Variants in SMAD1 observed in about 807,000 individuals in gnomAD.
SMAD1 encodes MAD, mothers against decapentaplegic homolog 1.
A neutral mutation model predicts 41.6 loss-of-function variants in SMAD1; 6 were observed. The observed-to-expected ratio is 0.14, with a 90% CI of 0.08 to 0.28. SMAD1 has a LOEUF of 0.28. Among genes scored for constraint, SMAD1 ranks in the 10% least tolerant of loss-of-function variants. SMAD1 has a pLI of 1.00. For missense variants in SMAD1, 379 were observed against 582.6 expected (o/e 0.65, Z 3.60); for synonymous variants, 206 against 203.2 (o/e 1.01, Z -0.12).
chr4:145,491,899 T>C (rs1260893441), intron 1 of SMAD1, among the ~76,000 whole-genome samples: 1 of 152,202 alleles, frequency 6.6e-6, no homozygotes, highest in Non-Finnish European at 1.5e-5. Context: ...TGCTCATTGA[T>C]GTGAGACGCA....
intron 5 of SMAD1, among the ~76,000 whole-genome samples, chr4:145,553,480 C>G (rs990514240): frequency 6.6e-6 from 1 of 152,234 alleles, no homozygotes; most frequent in East Asian, 1.9e-4. Flanking sequence ...CACAGTTCAC[C>G]ATAGGGTTCA....
rs1732977414 is a variant in SMAD1, at chr4:145,558,688, G to GA, written c.*756dup. 6.6e-6 allele frequency among the ~76,000 whole-genome samples: 1 copy of GA among 151,666 alleles called. No homozygotes were observed. Among genetic ancestry groups the GA allele is most frequent in the South Asian group, 2.1e-4 (1 of 4,800 alleles). On this transcript the variant is annotated 3_prime_UTR_variant, in exon 7 of 7. Coordinates refer to ENST00000302085, the MANE Select transcript of SMAD1 (RefSeq NM_005900.3). ...GCTTTAAAGAAACAAACTGATACCT[G>GA]AATTTTGCTGTGTTTCCATTTTTTA...
At chr4:145,540,450 C>T (rs1268717527) in intron 3 of SMAD1, among the ~76,000 whole-genome samples, 1 of 152,178 alleles carries the variant, frequency 6.6e-6, no homozygotes, top group Non-Finnish European at 1.5e-5. Context: ...ATGGAAAAAA[C>T]TCCTGTTGCA....
intron 2 of SMAD1, among the ~76,000 whole-genome samples, chr4:145,535,187 A>G (rs1174366038): frequency 6.6e-6 from 1 of 152,238 alleles, no homozygotes; most frequent in African/African-American, 2.4e-5. Flanking sequence ...GTCAGGATTC[A>G]GAAGCTTGAC....
intron 1 of SMAD1, among the ~76,000 whole-genome samples, chr4:145,509,817 C>T (rs1729981656): frequency 6.6e-6 from 1 of 152,084 alleles, no homozygotes; most frequent in Non-Finnish European, 1.5e-5. Flanking sequence ...TTCAAAAAAA[C>T]TAGTAAATTT....
chr4:145,504,898 C>T (rs1346731158), intron 1 of SMAD1, among the ~76,000 whole-genome samples: 1 of 152,110 alleles, frequency 6.6e-6, no homozygotes. Context: ...TGATGGATTG[C>T]TCTTTATTGT....
intron 2 of SMAD1, among the ~76,000 whole-genome samples, chr4:145,515,796 T>A (rs1363024272): frequency 6.6e-6 from 1 of 152,164 alleles, no homozygotes; most frequent in East Asian, 1.9e-4. Flanking sequence ...TGTTGATGGA[T>A]TGGCTGTTAA....
At chr4:145,541,371 G>A (rs1731920703) in intron 3 of SMAD1, among the ~76,000 whole-genome samples, 1 of 152,220 alleles carries the variant, frequency 6.6e-6, no homozygotes. Flanking sequence ...CCTCTTGGTT[G>A]TGCTGATGCC....
intron 1 of SMAD1, among the ~76,000 whole-genome samples, chr4:145,506,572 A>G (rs1729798313): frequency 6.6e-6 from 1 of 152,204 alleles, no homozygotes; most frequent in African/African-American, 2.4e-5. Context: ...AAGCTGATAC[A>G]GAGAGTGGTT....
intron 1 of SMAD1, among the ~76,000 whole-genome samples, chr4:145,513,079 C>A (rs1730176757): frequency 2.0e-5 from 3 of 152,218 alleles, no homozygotes; most frequent in African/African-American, 7.2e-5. Context: ...TTCCTCAGCG[C>A]TATGAGGCTA....
At chr4:145,549,153 T>C (rs907082084) in intron 5 of SMAD1, among the ~76,000 whole-genome samples, 3 of 152,102 alleles carry the variant, frequency 2.0e-5, no homozygotes, top group East Asian at 1.9e-4. Flanking sequence ...TAAAGAGATA[T>C]GACACCTGCA....
At chr4:145,554,361 G>T (rs1560767775) in intron 6 of SMAD1, among the ~76,000 whole-genome samples, 1 of 151,936 alleles carries the variant, frequency 6.6e-6, no homozygotes, top group East Asian at 1.9e-4. Context: ...TAAATACATG[G>T]TTGTTTTACG....
rs757909749 is a variant in SMAD1 at position 145,539,919 on chromosome 4, T to C, written c.516T>C (p.Phe172=). 11 of 1,613,906 alleles carry C rather than the reference T, an allele frequency of 6.8e-6. No homozygotes were observed. Among genetic ancestry groups the C allele is most frequent in the Non-Finnish European group, 8.5e-6 (10 of 1,180,006 alleles). The change falls in exon 3 of 7, where the codon TTT becomes TTC. Residue 172 remains phenylalanine (F), a synonymous_variant. Coordinates refer to ENST00000302085, the MANE Select transcript of SMAD1 (RefSeq NM_005900.3). The part of the protein sequence containing the change: ...NEPHMPLNAT[F]PDSFQQPNSH... Reference sequence around the variant, plus strand: ...CTCACATGCCACTCAACGCCACTTTTCCAGATTCTTTCCAGCAACCCAACA... The same window carrying C: ...CTCACATGCCACTCAACGCCACTTTCCCAGATTCTTTCCAGCAACCCAACA...
intron 6 of SMAD1, 128 bp downstream of exon 6, chr4:145,554,168 C>A: frequency 2.3e-6 from 2 of 859,706 alleles, no homozygotes; most frequent in Non-Finnish European, 1.7e-6. Flanking sequence ...GACTTATTAT[C>A]TAGGCATTTT....
At chr4:145,513,024 C>G (rs1367786726) in intron 1 of SMAD1, among the ~76,000 whole-genome samples, 4 of 152,164 alleles carry the variant, frequency 2.6e-5, no homozygotes, top group African/African-American at 7.2e-5. Context: ...GGTTTCTCCT[C>G]AGCAGGCCCT....
At chr4:145,495,616 CTTT>C (rs58468364) in intron 1 of SMAD1, among the ~76,000 whole-genome samples, 5 of 127,016 alleles carry the variant, frequency 3.9e-5, no homozygotes, top group Admixed American at 7.9e-5. Context: ...AATTAATTTC[CTTT>C]TTTTTTTTTT....
intron 1 of SMAD1, among the ~76,000 whole-genome samples, chr4:145,483,729 A>G (rs2126923804): frequency 6.6e-6 from 1 of 152,126 alleles, no homozygotes; most frequent in South Asian, 2.1e-4. Context: ...GTGAGAGATG[A>G]TTTTTCTGGA....
rs750035770 is a variant in SMAD1, at chr4:145,514,881, C to T, written c.268C>T (p.Arg90Cys). Residue 90 changes from arginine to cysteine, a missense_variant, in exon 2 of 7, where the codon CGT (arginine) becomes TGT (cysteine). Physicochemically the swap from Arg to Cys is radical, Grantham distance 180 (BLOSUM62 -3). Transcript: ENST00000302085. The surrounding 1 kb of genome is among the most constrained non-coding windows in gnomAD (Gnocchi z 4.7). The part of the protein sequence containing the change: ...RKGLPHVIYC[R>C]VWRWPDLQSH... ...GGGACTGCCTCATGTCATTTACTGCCGTGTGTGGCGCTGGCCCGATCTTCA... is the reference window on the plus strand; with the variant it reads ...GGGACTGCCTCATGTCATTTACTGCTGTGTGTGGCGCTGGCCCGATCTTCA... The T allele has an allele frequency of 6.2e-7, 1 of 1,614,010 alleles. No homozygotes were observed. Among genetic ancestry groups the T allele is most frequent in the Non-Finnish European group, 8.5e-7 (1 of 1,180,006 alleles).
intron 1 of SMAD1, among the ~76,000 whole-genome samples, chr4:145,486,645 A>G (rs577339135): frequency 1.3e-3 from 191 of 152,338 alleles, no homozygotes; most frequent in African/African-American, 4.2e-3. Context: ...CTTTCGGGTG[A>G]AATATGTCCA....
Sources: gnomAD v4.1 joint callset for allele counts (sites outside exome capture counted in the v4.1 genomes callset) on GRCh38, gnomAD v4.1.1 for gene constraint, Gnocchi (gnomAD v3.1) non-coding constraint, MANE v1.5 for transcripts, NCBI Gene and HGNC (gene_info 2026-07-23, HGNC 2026-07-21) for gene names.